Variants in SLC13A4 observed in about 807,000 individuals in gnomAD.
SLC13A4 encodes the protein Na(+)/sulfate cotransporter SUT-1.
Under a neutral mutation model 72.7 loss-of-function variants are expected in SLC13A4, and 28 were observed. That is an observed-to-expected ratio of 0.39 (90% CI 0.29 to 0.53). The LOEUF is 0.53. Among genes scored for constraint, SLC13A4 ranks in the 20% least tolerant of loss-of-function variants. The probability of loss-of-function intolerance (pLI) is 0.78; values close to 1 mark genes in which losing one functional copy is unlikely to be tolerated. For synonymous variants in SLC13A4, 312 were observed against 325.5 expected (o/e 0.96, Z 0.45); for missense variants, 653 against 788.0 (o/e 0.83, Z 2.05).
intron 2 of SLC13A4, among the ~76,000 whole-genome samples, chr7:135,715,107 G>A (rs28399795): frequency 0.029 from 4,472 of 151,690 alleles, 222 homozygotes; most frequent in African/African-American, 0.1. Context: ...GTGTGTGAGC[G>A]TGTATGAGTT....
In SLC13A4 at chr7:135,681,711, C is replaced by T. The variant is rs1361527931; in HGVS notation, c.1747-11G>A. ...CAGGCCAGCTTTCACCTGCAGGACA[C>T]AAACCAGCACACCCTAGTCACTCTG... On this transcript the variant is annotated splice_polypyrimidine_tract_variant and intron_variant, in intron 15 of 15. Transcript: ENST00000682651. The T allele has an allele frequency of 3.1e-6, 5 of 1,611,076 alleles. No homozygotes were observed. The highest frequency in any genetic ancestry group is 3.4e-6 in the Non-Finnish European group (4 of 1,178,504).
rs753412664 is a variant in SLC13A4 at position 135,691,661 on chromosome 7, G to A, written c.1224-16C>T. ...GTAGCCTTTCCTAGTAAAGAGACAA[G>A]CATAGCTGAGGAGAAGGGTCAGGAA... is the stretch of plus-strand genomic sequence containing the variant. On this transcript the variant is annotated splice_polypyrimidine_tract_variant and intron_variant, in intron 11 of 15. Transcript: ENST00000682651. The A allele has an allele frequency of 1.3e-6, 2 of 1,577,178 alleles. No homozygotes were observed. Among genetic ancestry groups the A allele is most frequent in the Non-Finnish European group, 1.7e-6 (2 of 1,147,096 alleles).
intron 15 of SLC13A4, among the ~76,000 whole-genome samples, chr7:135,681,980 A>G (rs1181772613): frequency 6.6e-6 from 1 of 152,194 alleles, no homozygotes; most frequent in Non-Finnish European, 1.5e-5. Context: ...ACTCTGTGGA[A>G]CGTGAAGAGG....
chr7:135,703,141 A>G (rs1796079980), intron 5 of SLC13A4: 3 of 527,026 alleles, frequency 5.7e-6, no homozygotes, highest in Non-Finnish European at 1.0e-5. Context: ...TCCTAACAGC[A>G]GATGTGGAGT....
intron 15 of SLC13A4, among the ~76,000 whole-genome samples, chr7:135,682,139 T>A (rs1795517806): frequency 1.3e-5 from 2 of 152,236 alleles, no homozygotes; most frequent in South Asian, 4.1e-4. Flanking sequence ...TGTTACCTTT[T>A]TTTAAGGAAC....
At chr7:135,719,805 G>GTGTGTGTA (rs1554480024) in intron 2 of SLC13A4, among the ~76,000 whole-genome samples, 20 of 109,006 alleles carry the variant, frequency 1.8e-4, no homozygotes, top group Non-Finnish European at 3.0e-4. Context: ...GTGTGTGTAT[G>GTGTGTGTA]TGTGTGTGTG....
intron 2 of SLC13A4, among the ~76,000 whole-genome samples, chr7:135,711,955 GT>G (rs374425777): frequency 0.015 from 1,099 of 70,962 alleles, 15 homozygotes; most frequent in African/African-American, 0.048. Flanking sequence ...CCTGGCTAAT[GT>G]TTTTGGATTT....
chr7:135,725,666 T>C (rs1652831457), intron 1 of SLC13A4, among the ~76,000 whole-genome samples: 1 of 152,106 alleles, frequency 6.6e-6, no homozygotes, highest in Non-Finnish European at 1.5e-5. Flanking sequence ...GGGTTAAATA[T>C]CAGACTCTAA....
chr7:135,696,974 C>T (rs1483154338), intron 8 of SLC13A4, among the ~76,000 whole-genome samples: 1 of 152,168 alleles, frequency 6.6e-6, no homozygotes, highest in Admixed American at 6.5e-5. Flanking sequence ...TCCTTCTGTC[C>T]GTTAAATATG....
rs779952039 is a variant in SLC13A4, at chr7:135,708,241, C to G, written c.238G>C (p.Glu80Gln). ...GVLRSNEVAA[E>Q]YFKNTTLLLV... is the part of the protein sequence containing the mutation. ...AGCAGCGTGGTGTTCTTGAAGTACT[C>G]CGCCGCCACCTGTAGGGAGGCCAGG... The change falls in exon 3 of 16, where the codon GAG (glutamate) becomes CAG (glutamine). Residue 80 changes from glutamate (E) to glutamine (Q), a missense_variant. Coordinates refer to ENST00000682651, the MANE Select transcript of SLC13A4 (RefSeq NM_001318192.2). 1 of 1,614,212 alleles carries G rather than the reference C, an allele frequency of 6.2e-7. No individual in the cohort carries two copies. The highest frequency in any genetic ancestry group is 8.5e-7 in the Non-Finnish European group (1 of 1,180,028).
chr7:135,716,676 C>G (rs1237285553), intron 2 of SLC13A4, among the ~76,000 whole-genome samples: 1 of 152,184 alleles, frequency 6.6e-6, no homozygotes, highest in East Asian at 1.9e-4. Context: ...AGCTCAAGTT[C>G]TGGAATCATA....
At chr7:135,698,859 T>C (rs1479875967) in intron 8 of SLC13A4, among the ~76,000 whole-genome samples, 1 of 151,908 alleles carries the variant, frequency 6.6e-6, no homozygotes, top group South Asian at 2.1e-4. Context: ...GGTCTAGGGA[T>C]CCTGACCTCG....
intron 1 of SLC13A4, among the ~76,000 whole-genome samples, chr7:135,726,218 C>T (rs748378028): frequency 7.9e-5 from 12 of 152,078 alleles, no homozygotes; most frequent in Non-Finnish European, 1.8e-4. Context: ...AAAAATCAGG[C>T]CCATTTGGAC....
At position 135,721,537 on chromosome 7, in the gene SLC13A4, A is replaced by C. The variant is rs762669647; in HGVS notation, c.100-14T>G. 3.2e-5 allele frequency: 52 copies of C among 1,613,454 alleles called. No individual in the cohort carries two copies. The highest frequency in any genetic ancestry group is 4.2e-5 in the Non-Finnish European group (50 of 1,179,666). On this transcript the variant is annotated splice_polypyrimidine_tract_variant and intron_variant, in intron 1 of 15. Transcript: ENST00000682651. Reference sequence around the variant, plus strand: ...ACACGAGGCCTCCTGCAAGGCAAGGAAAGGGGCCGTCATTCACAGGAATAG... The same window carrying C: ...ACACGAGGCCTCCTGCAAGGCAAGGCAAGGGGCCGTCATTCACAGGAATAG...
intron 2 of SLC13A4, among the ~76,000 whole-genome samples, chr7:135,710,987 G>T (rs1324024085): frequency 6.6e-6 from 1 of 151,512 alleles, no homozygotes; most frequent in Non-Finnish European, 1.5e-5. Flanking sequence ...GATCATGGTG[G>T]TGGGGGCGGG....
intron 13 of SLC13A4, among the ~76,000 whole-genome samples, chr7:135,690,943 T>C (rs1446725535): frequency 6.6e-6 from 1 of 152,080 alleles, no homozygotes; most frequent in African/African-American, 2.4e-5. Context: ...GGCAGGTGGA[T>C]CACTTGAGGT....
chr7:135,725,488 A>G (rs1796635928), intron 1 of SLC13A4, among the ~76,000 whole-genome samples: 1 of 152,130 alleles, frequency 6.6e-6, no homozygotes, highest in Non-Finnish European at 1.5e-5. Context: ...CTCTAGTTTT[A>G]GAGAGTTGGG....
Position 135,722,528 on chromosome 7 carries a change from C to T in SLC13A4, c.100-1005G>A, listed in dbSNP as rs563037175. On this transcript the variant is annotated intron_variant, in intron 1 of 15. Transcript: ENST00000682651. ...CTGGAATCTGGACCCCCTCTCCAGC[C>T]TCATCCCAAATGGAGTAGCTTTGTT... Among the ~76,000 whole-genome samples the T allele has an allele frequency of 6.6e-5, 10 of 151,840 alleles. 1 individual carries two copies. The East Asian group carries it at 1.9e-3, about 29-fold the overall frequency.
Position 135,694,148 on chromosome 7 carries a change from C to T in SLC13A4, c.1110G>A (p.Leu370=). ...EKRIQEEYEK[L]GDISYPEMVT... is the part of the protein sequence containing the mutation. ...TGGCTGATTTTTACCTAATGTCTCC[C>T]AGTTTTTCATATTCTTCTTGGATCC... The change falls in exon 10 of 16, where the codon CTG becomes CTA. Residue 370 remains leucine, a synonymous_variant. Coordinates refer to ENST00000682651, the MANE Select transcript of SLC13A4 (RefSeq NM_001318192.2). The T allele has an allele frequency of 6.2e-7, 1 of 1,604,508 alleles. No homozygotes were observed. Among genetic ancestry groups the T allele is most frequent in the Non-Finnish European group, 8.5e-7 (1 of 1,171,372 alleles).
Sources: gnomAD v4.1 joint callset for allele counts (sites outside exome capture counted in the v4.1 genomes callset) on GRCh38, gnomAD v4.1.1 for gene constraint, MANE v1.5 for transcripts, NCBI Gene and HGNC (gene_info 2026-07-23, HGNC 2026-07-21) for gene names.